RBFOX1: variants seen among roughly 807,000 people sequenced by gnomAD.
RBFOX1 encodes RNA binding protein fox-1 homolog 1.
RBFOX1 carries 8 observed loss-of-function variants against 57.7 expected under a neutral mutation model. The observed-to-expected ratio is 0.14, with a 90% CI of 0.08 to 0.25. The LOEUF (loss-of-function observed/expected upper bound fraction) is 0.25. RBFOX1 is among the 10% of genes least tolerant of loss of function. The probability of loss-of-function intolerance (pLI) is 1.00; values close to 1 mark genes in which losing one functional copy is unlikely to be tolerated. For synonymous variants in RBFOX1, 326 were observed against 222.4 expected (o/e 1.47, Z -4.15); for missense variants, 611 against 548.5 (o/e 1.11, Z -1.14).
rs143013854 is a variant in RBFOX1 at position 5,663,355 on chromosome 16, C to A, written c.318+64394C>A. Among the ~76,000 whole-genome samples, 1,343 of 152,044 alleles carry A rather than the reference C, an allele frequency of 8.8e-3. 6 individuals are homozygous for A. The highest frequency in any genetic ancestry group is 0.012 in the Non-Finnish European group (833 of 67,974). On this transcript the variant is annotated intron_variant, in intron 3 of 19. Coordinates refer to the RBFOX1 transcript ENST00000641259. Reference sequence around the variant, plus strand: ...AGGTAGTTGAGACCACAGGCACATGCCACCATGCCCAGCTAATTTTTTTTT... The same window carrying A: ...AGGTAGTTGAGACCACAGGCACATGACACCATGCCCAGCTAATTTTTTTTT...
chr16:7,083,939 G>A (rs1225682389), intron 4 of RBFOX1, among the ~76,000 whole-genome samples: 1 of 152,110 alleles, frequency 6.6e-6, no homozygotes, highest in African/African-American at 2.4e-5. Context: ...GAGGTACCAT[G>A]CAGCTGTTTT....
intron 3 of RBFOX1, among the ~76,000 whole-genome samples, chr16:6,820,893 A>T (rs1469034514): frequency 6.6e-6 from 1 of 152,172 alleles, no homozygotes; most frequent in African/African-American, 2.4e-5. Context: ...ATCCTTTGTC[A>T]TCCTTAGCAG....
intron 4 of RBFOX1, among the ~76,000 whole-genome samples, chr16:5,868,571 T>C (rs1209484662): frequency 6.6e-6 from 1 of 152,184 alleles, no homozygotes; most frequent in Admixed American, 6.5e-5. Context: ...TCCATTCCCG[T>C]TCAAATGTCG....
intron 3 of RBFOX1, among the ~76,000 whole-genome samples, chr16:6,802,798 C>G (rs745614622): frequency 2.6e-5 from 4 of 152,194 alleles, no homozygotes; most frequent in Non-Finnish European, 4.4e-5. Flanking sequence ...TTGAAGTAGG[C>G]TGACCCAAAA....
chr16:6,987,504 C>CAG (rs1555721464), intron 3 of RBFOX1, among the ~76,000 whole-genome samples: 1 of 143,058 alleles, frequency 7.0e-6, no homozygotes, highest in African/African-American at 2.6e-5. Context: ...CACACACACA[C>CAG]AGAGGCATGC....
At chr16:6,920,113 T>C (rs2074134728) in intron 3 of RBFOX1, among the ~76,000 whole-genome samples, 1 of 152,194 alleles carries the variant, frequency 6.6e-6, no homozygotes. Flanking sequence ...AGGCCATTAT[T>C]TTGTTCCATT....
chr16:5,931,874 C>G (rs2059066054), intron 4 of RBFOX1, among the ~76,000 whole-genome samples: 1 of 152,174 alleles, frequency 6.6e-6, no homozygotes, highest in Non-Finnish European at 1.5e-5. Context: ...GTGGCACAGT[C>G]CTAACTCACT....
intron 1 of RBFOX1, among the ~76,000 whole-genome samples, chr16:5,272,597 C>A (rs1358368860): frequency 6.6e-6 from 1 of 152,144 alleles, no homozygotes; most frequent in Non-Finnish European, 1.5e-5. Flanking sequence ...GAAATGTGGC[C>A]CCTGCTTTCA....
chr16:7,332,841 T>C, intron 4 of RBFOX1: 1 of 1,448,572 alleles, frequency 6.9e-7, no homozygotes, highest in Non-Finnish European at 9.1e-7. Context: ...CTGATGCGGA[T>C]TTTCTTTCTT....
At chr16:5,486,684 A>G (rs898811963) in intron 2 of RBFOX1, among the ~76,000 whole-genome samples, 1 of 152,148 alleles carries the variant, frequency 6.6e-6, no homozygotes, top group African/African-American at 2.4e-5. Context: ...TCTATGTAGG[A>G]ATGCAAGTCT....
chr16:7,021,551 T>C (rs2039090444), intron 3 of RBFOX1, among the ~76,000 whole-genome samples: 3 of 145,432 alleles, frequency 2.1e-5, no homozygotes, highest in African/African-American at 5.0e-5. Flanking sequence ...AATTTTTATA[T>C]TTATAAAATA....
intron 2 of RBFOX1, among the ~76,000 whole-genome samples, chr16:6,592,190 T>C (rs2097720702): frequency 6.6e-6 from 1 of 152,214 alleles, no homozygotes; most frequent in Non-Finnish European, 1.5e-5. Context: ...CTCTGCAATA[T>C]TTCAATTTCA....
At chr16:7,663,482 CTGCGTGTGTGTGTCAGTACAGCGTGTGTG>C (rs1568347130) in intron 12 of RBFOX1, among the ~76,000 whole-genome samples, 1 of 150,002 alleles carries the variant, frequency 6.7e-6, no homozygotes, top group Non-Finnish European at 1.5e-5. Context: ...AGTGTCACAG[CTGCGTGTGTGTGTCAGTACAGCGTGTGTG>C]TGTGTGTGTG....
At chr16:6,547,820 C>T (rs1468164239) in intron 2 of RBFOX1, among the ~76,000 whole-genome samples, 1 of 151,688 alleles carries the variant, frequency 6.6e-6, no homozygotes, top group Admixed American at 6.6e-5. Context: ...TGCATCTAAA[C>T]CTTGGCCTTC....
At chr16:6,703,019 C>A (rs888265460) in intron 3 of RBFOX1, among the ~76,000 whole-genome samples, 4 of 152,168 alleles carry the variant, frequency 2.6e-5, no homozygotes, top group African/African-American at 9.7e-5. Flanking sequence ...AATCATATGG[C>A]CCTTGTCCTT....
At chr16:5,318,855 G>A (rs1337391350) in intron 1 of RBFOX1, among the ~76,000 whole-genome samples, 1 of 152,174 alleles carries the variant, frequency 6.6e-6, no homozygotes, top group Non-Finnish European at 1.5e-5. Context: ...AGTTGGGGTT[G>A]GGCATGGTGG....
intron 1 of RBFOX1, among the ~76,000 whole-genome samples, chr16:5,443,461 C>T (rs756235011): frequency 2.0e-5 from 3 of 152,214 alleles, no homozygotes; most frequent in Admixed American, 6.5e-5. Context: ...CCTCAGCCTT[C>T]TGAGTAGCTG....
chr16:7,450,989 A>G (rs1469529342), intron 4 of RBFOX1, among the ~76,000 whole-genome samples: 2 of 152,258 alleles, frequency 1.3e-5, no homozygotes, highest in East Asian at 1.9e-4. Context: ...TCCTTCAATC[A>G]CTGTTCTGAT....
intron 1 of RBFOX1, among the ~76,000 whole-genome samples, chr16:6,047,027 C>T (rs987656617): frequency 1.5e-4 from 23 of 152,084 alleles, no homozygotes; most frequent in Admixed American, 2.6e-4. Flanking sequence ...TGATGAAGGA[C>T]GCCTGCTGCT....
Sources: gnomAD v4.1 joint callset for allele counts (sites outside exome capture counted in the v4.1 genomes callset) on GRCh38, gnomAD v4.1.1 for gene constraint, MANE v1.5 for transcripts, NCBI Gene and HGNC (gene_info 2026-07-23, HGNC 2026-07-21) for gene names.